The following OTOA variants were observed in gnomAD, a reference collection of about 807,000 sequenced individuals.
OTOA encodes the protein otoancorin.
OTOA carries 70 observed loss-of-function variants against 110.8 expected under a neutral mutation model. That is an observed-to-expected ratio of 0.63 (90% confidence interval 0.52 to 0.77). The LOEUF (loss-of-function observed/expected upper bound fraction) is 0.77, where lower values mean the gene tolerates loss of function less well. Ranked by LOEUF, OTOA falls within the 30% of genes least tolerant of loss-of-function variation. OTOA has a pLI of 0.00. For missense variants in OTOA, 917 were observed against 1,075.8 expected (o/e 0.85, Z 2.06); for synonymous variants, 373 against 431.5 (o/e 0.86, Z 1.68).
chr16:21,678,797 A>G, intron 2 of OTOA, 118 bp from the exon 3 acceptor site: 1 of 1,345,798 alleles, frequency 7.4e-7, no homozygotes, highest in Non-Finnish European at 1.1e-6. Flanking sequence ...TTATAATTAA[A>G]ATTCACTAAA....
chr16:21,711,941 T>C (rs1390479886), intron 13 of OTOA, among the ~76,000 whole-genome samples: 1 of 152,244 alleles, frequency 6.6e-6, no homozygotes, highest in Non-Finnish European at 1.5e-5. Context: ...TACTACCAGA[T>C]GTTTAACAAG....
In OTOA at chr16:21,719,228, C is replaced by T. The variant is rs377342050; in HGVS notation, c.1688+37C>T. On this transcript the variant is annotated intron_variant, in intron 16 of 28. Coordinates refer to ENST00000646100, the MANE Select transcript of OTOA (RefSeq NM_144672.4). ...TAACTCGGCCTGGGTGCTGAACAGG[C>T]CTTTCAGAGCCTTCTGCCAGAGCAG... 665 of 1,610,316 alleles carry T rather than the reference C, an allele frequency of 4.1e-4. 1 individual carries two copies. The highest frequency in any genetic ancestry group is 8.2e-4 in the Middle Eastern group (5 of 6,066).
chr16:21,705,123 G>C, intron 11 of OTOA, 46 bp from the exon 12 acceptor site: 1 of 1,614,158 alleles, frequency 6.2e-7, no homozygotes. Context: ...GAATGGGCTG[G>C]TTCTGCGGTT....
At chr16:21,676,942 C>A (rs541075950) in intron 1 of OTOA, among the ~76,000 whole-genome samples, 2 of 152,270 alleles carry the variant, frequency 1.3e-5, no homozygotes, top group East Asian at 1.9e-4. Context: ...TCTGAAAAAC[C>A]TTTGGATGCA....
chr16:21,681,848 T>C (rs1188956537), intron 6 of OTOA, 23 bp downstream of exon 6: 3 of 1,597,820 alleles, frequency 1.9e-6, no homozygotes, highest in Non-Finnish European at 2.6e-6. Context: ...GACCCATCTA[T>C]ATGTTCCCAT....
chr16:21,734,607 C>T (rs1471299840), intron 21 of OTOA, among the ~76,000 whole-genome samples: 17 of 151,746 alleles, frequency 1.1e-4, no homozygotes, highest in African/African-American at 1.7e-4. Context: ...GAGGCCGAGG[C>T]GGGCAGATCA....
At chr16:21,678,281 T>C (rs771271116) in intron 1 of OTOA, among the ~76,000 whole-genome samples, 6 of 151,894 alleles carry the variant, frequency 4.0e-5, no homozygotes, top group Non-Finnish European at 8.8e-5. Flanking sequence ...AGGAGAGAGA[T>C]GATAGTGTCT....
chr16:21,719,594 G>A, intron 17 of OTOA, 90 bp downstream of exon 17: 1 of 1,222,524 alleles, frequency 8.2e-7, no homozygotes, highest in Non-Finnish European at 1.2e-6. Context: ...AGATCTTTAT[G>A]CCAGAATCAT....
intron 12 of OTOA, among the ~76,000 whole-genome samples, chr16:21,708,354 C>A (rs1898255804): frequency 1.3e-5 from 2 of 152,098 alleles, no homozygotes. Flanking sequence ...GGAGGCAGAG[C>A]TCAGGCGGTA....
rs764851693 is a variant in OTOA at position 21,705,172 on chromosome 16, G to A, written c.984G>A (p.Leu328=). The change falls in exon 12 of 29, where the codon CTG becomes CTA. Residue 328 remains leucine, a synonymous_variant. Transcript: ENST00000646100. ...CATCCCTCCTCTTCTCACACAGGCT[G>A]GGGCTGCTGGTTTGTTTCTACAATG... The part of the protein sequence containing the change: ...NMRNTSTIHR[L]GLLVCFYNDL... 5 of 1,614,126 alleles carry A rather than the reference G, an allele frequency of 3.1e-6. No individual in the cohort carries two copies. The highest frequency in any genetic ancestry group is 4.2e-6 in the Non-Finnish European group (5 of 1,180,018).
At chr16:21,668,713 C>T (rs995097797) in intron 1 of OTOA, among the ~76,000 whole-genome samples, 6 of 151,782 alleles carry the variant, frequency 4.0e-5, no homozygotes, top group African/African-American at 1.2e-4. Flanking sequence ...CTGCCCGCCT[C>T]GGCCTCCCAA....
chr16:21,673,209 T>G (rs1355192390), intron 1 of OTOA, among the ~76,000 whole-genome samples: 1 of 152,174 alleles, frequency 6.6e-6, no homozygotes, highest in Non-Finnish European at 1.5e-5. Flanking sequence ...AAAAGAAATA[T>G]CCTGTGTACT....
chr16:21,735,056 A>G (rs985275241), intron 21 of OTOA, among the ~76,000 whole-genome samples: 7 of 151,386 alleles, frequency 4.6e-5, no homozygotes, highest in African/African-American at 1.5e-4. Flanking sequence ...CACGAGAATT[A>G]CTTGAGCCTG....
intron 14 of OTOA, 113 bp downstream of exon 14, chr16:21,715,265 G>C: frequency 1.4e-6 from 2 of 1,432,668 alleles, no homozygotes; most frequent in Non-Finnish European, 2.0e-6. Context: ...TGTCTCAGCT[G>C]TTGGTGTCTG....
chr16:21,683,778 T>A (rs1266270949), intron 6 of OTOA, among the ~76,000 whole-genome samples: 1 of 151,900 alleles, frequency 6.6e-6, no homozygotes, highest in Admixed American at 6.6e-5. Context: ...AGTGATTTTT[T>A]TTTTTTTTGA....
intron 6 of OTOA, among the ~76,000 whole-genome samples, chr16:21,682,282 GGAA>G (rs1389263215): frequency 3.9e-5 from 6 of 152,156 alleles, no homozygotes; most frequent in Admixed American, 6.5e-5. Flanking sequence ...GGGATGGGTG[GGAA>G]GAAGAAGACA....
At chr16:21,674,818 C>T (rs1442793617) in intron 1 of OTOA, among the ~76,000 whole-genome samples, 1 of 132,038 alleles carries the variant, frequency 7.6e-6, no homozygotes, top group African/African-American at 2.9e-5. Flanking sequence ...GATTGGATTG[C>T]TTATTTATTT....
chr16:21,677,381 G>A (rs1319001397), intron 1 of OTOA, among the ~76,000 whole-genome samples: 4 of 151,562 alleles, frequency 2.6e-5, no homozygotes, highest in Non-Finnish European at 5.9e-5. Context: ...TGGTCTCGTT[G>A]TGAGTTTAAT....
intron 5 of OTOA, among the ~76,000 whole-genome samples, chr16:21,680,579 C>A (rs1966880935): frequency 6.6e-6 from 1 of 151,472 alleles, no homozygotes; most frequent in South Asian, 2.1e-4. Context: ...ATAGGCTGGG[C>A]ATGGTGGCTT....
Sources: allele counts gnomAD v4.1 joint callset (sites outside exome capture counted in the v4.1 genomes callset), GRCh38; gene constraint gnomAD v4.1.1; transcripts MANE v1.5; gene names NCBI Gene and HGNC (gene_info 2026-07-23, HGNC 2026-07-21).